CHST3: variants seen among roughly 807,000 people sequenced by gnomAD.
The protein encoded by CHST3 is carbohydrate sulfotransferase 3.
A neutral mutation model predicts 35.4 loss-of-function variants in CHST3; 20 were observed. The observed-to-expected ratio is 0.57, with a 90% CI of 0.40 to 0.82. The LOEUF (loss-of-function observed/expected upper bound fraction) is 0.82. CHST3 is among the 40% of genes least tolerant of loss of function. The pLI is 0.00. For synonymous variants in CHST3, 334 were observed against 295.9 expected (o/e 1.13, Z -1.32); for missense variants, 693 against 670.1 (o/e 1.03, Z -0.38).
rs1440763802 is a variant in CHST3, at chr10:72,008,283, C to G, written c.1252C>G (p.Gln418Glu). The G allele has an allele frequency of 3.8e-6, 6 of 1,586,128 alleles. No individual in the cohort carries two copies. The highest frequency in any genetic ancestry group is 1.3e-5 in the African/African-American group (1 of 74,314). Residue 418 changes from glutamine to glutamate, a missense_variant, in exon 3 of 3, where the codon CAG becomes GAG. Transcript: ENST00000373115. ...CGACGGCAGCGGCATCTACTCCACG[C>G]AGAAGAACTCCTCGGAGCAGTTCGA... Reference protein sequence around the residue: ...AHDGSGIYSTQKNSSEQFEKW... With the variant: ...AHDGSGIYSTEKNSSEQFEKW...
Position 72,009,188 on chromosome 10 carries a change from A to G in CHST3, c.*717A>G, listed in dbSNP as rs1335785883. Reference sequence around the variant, plus strand: ...ATGCAGACAAGCTTCCTCGCTGCTTATGCCCACAGGGTTTTTCTGTATGAC... The same window carrying G: ...ATGCAGACAAGCTTCCTCGCTGCTTGTGCCCACAGGGTTTTTCTGTATGAC... On this transcript the variant is annotated 3_prime_UTR_variant, in exon 3 of 3. Coordinates refer to ENST00000373115, the MANE Select transcript of CHST3 (RefSeq NM_004273.5). 1 of 152,246 alleles carries G rather than the reference A, an allele frequency of 6.6e-6. No individual in the cohort carries two copies. Among genetic ancestry groups the G allele is most frequent in the Non-Finnish European group, 1.5e-5 (1 of 68,070 alleles). The allele number at this position is 152,246 out of a possible 1,614,324, so 9.4% of individuals were successfully genotyped here. A position where few individuals can be genotyped will look rare whatever the true frequency, so the allele number is the denominator to read the frequency against.
intron 1 of CHST3, among the ~76,000 whole-genome samples, chr10:71,974,811 TG>T (rs1165779230): frequency 6.6e-6 from 1 of 152,160 alleles, no homozygotes; most frequent in East Asian, 1.9e-4. Context: ...CTTCCTGCAC[TG>T]GGTTCTCCTC....
intron 1 of CHST3, among the ~76,000 whole-genome samples, chr10:71,967,083 G>C (rs1169517307): frequency 6.6e-6 from 1 of 152,140 alleles, no homozygotes; most frequent in African/African-American, 2.4e-5. Flanking sequence ...ACTCACCATA[G>C]CCTCGACCTC....
chr10:71,989,413 T>A (rs1333022644), intron 1 of CHST3, among the ~76,000 whole-genome samples: 2 of 152,068 alleles, frequency 1.3e-5, no homozygotes, highest in Admixed American at 6.6e-5. Context: ...CACCACCGTA[T>A]TCCAGCCTAG....
chr10:71,976,817 C>G (rs1003804507), intron 1 of CHST3, among the ~76,000 whole-genome samples: 35 of 152,336 alleles, frequency 2.3e-4, no homozygotes, highest in African/African-American at 5.8e-4. Flanking sequence ...AGAACTTTGC[C>G]TCTACGGATA....
intron 1 of CHST3, among the ~76,000 whole-genome samples, chr10:71,985,060 C>T (rs1364468284): frequency 2.0e-5 from 3 of 152,258 alleles, no homozygotes; most frequent in Non-Finnish European, 2.9e-5. Flanking sequence ...TTGCTCTGCC[C>T]CTTGCAAAGT....
intron 1 of CHST3, among the ~76,000 whole-genome samples, chr10:71,969,260 C>T (rs1839664659): frequency 6.6e-6 from 1 of 152,212 alleles, no homozygotes; most frequent in African/African-American, 2.4e-5. Context: ...TCTGTTGGCC[C>T]CACTTTACAG....
intron 1 of CHST3, among the ~76,000 whole-genome samples, chr10:71,977,818 C>T (rs759120803): frequency 3.9e-5 from 6 of 152,188 alleles, no homozygotes; most frequent in African/African-American, 1.2e-4. Flanking sequence ...TACAGGTGTG[C>T]ACCACCACAC....
chr10:71,992,803 G>GTTA (rs199734300), intron 1 of CHST3, among the ~76,000 whole-genome samples: 1 of 104,620 alleles, frequency 9.6e-6, no homozygotes, highest in Non-Finnish European at 2.5e-5. Flanking sequence ...TGGGATTACA[G>GTTA]GCGTCCGCCA....
intron 1 of CHST3, among the ~76,000 whole-genome samples, chr10:71,973,754 A>G (rs1367779201): frequency 6.6e-6 from 1 of 152,244 alleles, no homozygotes; most frequent in Non-Finnish European, 1.5e-5. Flanking sequence ...AGAGGTGGAC[A>G]TGAGGGAAGA....
intron 1 of CHST3, among the ~76,000 whole-genome samples, chr10:71,975,533 G>A (rs1839736732): frequency 6.6e-6 from 1 of 152,254 alleles, no homozygotes. Context: ...GATCCATTTA[G>A]GAGAACATCC....
intron 1 of CHST3, among the ~76,000 whole-genome samples, chr10:71,969,161 C>G (rs4148909): frequency 0.34 from 51,621 of 151,992 alleles, 9,350 homozygotes; most frequent in African/African-American, 0.47. Context: ...GGGGCAGAGC[C>G]GGAGCAGCCA....
At chr10:72,001,459 G>T (rs1344902156) in intron 1 of CHST3, among the ~76,000 whole-genome samples, 1 of 148,372 alleles carries the variant, frequency 6.7e-6, no homozygotes, top group Non-Finnish European at 1.5e-5. Context: ...GGGATGAAAG[G>T]TTTTTTTGTT....
chr10:71,981,166 G>A (rs974420097), intron 1 of CHST3, among the ~76,000 whole-genome samples: 5 of 152,254 alleles, frequency 3.3e-5, no homozygotes, highest in African/African-American at 1.2e-4. Flanking sequence ...GTAGGGGTCT[G>A]GTGGGTTTCA....
chr10:72,003,414 C>T (rs1027748912), intron 1 of CHST3, among the ~76,000 whole-genome samples: 2 of 152,128 alleles, frequency 1.3e-5, no homozygotes, highest in Non-Finnish European at 2.9e-5. Context: ...AATAGACTCT[C>T]CTATGCCAGG....
chr10:72,008,370 G>A lies in CHST3; in HGVS notation c.1339G>A (p.Ala447Thr). Reference sequence around the variant, plus strand: ...GGTGGTGCAGGCCGCCTGCGGCCCTGCCATGCGCCTCTTCGGCTACAAACT... The same window carrying A: ...GGTGGTGCAGGCCGCCTGCGGCCCTACCATGCGCCTCTTCGGCTACAAACT... ...AQVVQAACGP[A>T]MRLFGYKLAR... Residue 447 changes from alanine (A) to threonine (T), a missense_variant, in exon 3 of 3, where the codon GCC becomes ACC. By Grantham distance (58) the Ala-to-Thr change is moderately conservative (BLOSUM62 0). Transcript: ENST00000373115. 2 of 1,567,304 alleles carry A rather than the reference G, an allele frequency of 1.3e-6. No homozygotes were observed. The highest frequency in any genetic ancestry group is 2.3e-5 in the South Asian group (2 of 85,140).
At chr10:71,972,955 A>G (rs549056992) in intron 1 of CHST3, among the ~76,000 whole-genome samples, 18 of 152,304 alleles carry the variant, frequency 1.2e-4, no homozygotes, top group African/African-American at 2.9e-4. Context: ...GCACCAGGCA[A>G]TGGGATGTGC....
intron 1 of CHST3, among the ~76,000 whole-genome samples, chr10:71,989,256 A>G (rs754133727): frequency 6.6e-6 from 1 of 152,218 alleles, no homozygotes; most frequent in Non-Finnish European, 1.5e-5. Flanking sequence ...AAGCCTGGAC[A>G]ACAGGGAAAG....
At chr10:71,999,172 C>T (rs894679168) in intron 1 of CHST3, among the ~76,000 whole-genome samples, 3 of 152,150 alleles carry the variant, frequency 2.0e-5, no homozygotes, top group African/African-American at 4.8e-5. Context: ...ACATTGTGGG[C>T]TAAATGATAA....
Sources: gnomAD v4.1 joint callset for allele counts (sites outside exome capture counted in the v4.1 genomes callset) on GRCh38, gnomAD v4.1.1 for gene constraint, MANE v1.5 for transcripts, NCBI Gene and HGNC (gene_info 2026-07-23, HGNC 2026-07-21) for gene names.